MAZ: variants seen among roughly 807,000 people sequenced by gnomAD.
The protein encoded by MAZ is myc-associated zinc finger protein.
In MAZ, 4 loss-of-function variants were observed where a neutral mutation model predicts 32.7. That is an observed-to-expected ratio of 0.12 (90% CI 0.06 to 0.28). The LOEUF (loss-of-function observed/expected upper bound fraction) is 0.28. Among genes scored for constraint, MAZ ranks in the 10% least tolerant of loss-of-function variants. The pLI, the probability that MAZ is intolerant of heterozygous loss-of-function variation, is 1.00. For missense variants in MAZ, 763 were observed against 667.2 expected, an observed-to-expected ratio of 1.14 and a Z score of -1.58; for synonymous variants, 510 against 297.6, an observed-to-expected ratio of 1.71 and a Z score of -7.35.
chr16:29,808,214 C>T lies in MAZ; in HGVS notation c.1044-16C>T, dbSNP rs761586083. The T allele has an allele frequency of 1.2e-6, 2 of 1,612,956 alleles. No homozygotes were observed. Among genetic ancestry groups the T allele is most frequent in the Admixed American group, 1.7e-5 (1 of 60,000 alleles). ...GCACCACCTCCGCCCTAACCCCAAC[C>T]CCAACGTGTCCCCAGGCCGGATCAC... On this transcript the variant is annotated splice_polypyrimidine_tract_variant and intron_variant, in intron 2 of 4. Transcript: ENST00000322945.
In MAZ at chr16:29,809,259, G is replaced by A. The variant is rs996842189; in HGVS notation, c.1279+518G>A. 56 of 544,816 alleles carry A rather than the reference G, an allele frequency of 1.0e-4. 1 individual carries two copies. The highest frequency in any genetic ancestry group is 1.3e-4 in the Non-Finnish European group (41 of 309,148). 33.7% of individuals were successfully genotyped at this position (544,816 alleles called of 1,614,324 possible). ...GAGGGTCAACCCTGCAAGTGGCTAG[G>A]AGTCAGTGTCTCGTCATCCTGGGAG... is the stretch of plus-strand genomic sequence containing the variant. On this transcript the variant is annotated intron_variant, in intron 4 of 4. Coordinates refer to ENST00000322945, the MANE Select transcript of MAZ (RefSeq NM_002383.4).
In MAZ at chr16:29,808,812, T is replaced by C. The variant is rs1216071398; in HGVS notation, c.1279+71T>C. ...GCCTGGCCAGACGCCTTGCCACGGATACGGGTTAAGGGTGCTGTAGCCAAG... is the reference window on the plus strand; with the variant it reads ...GCCTGGCCAGACGCCTTGCCACGGACACGGGTTAAGGGTGCTGTAGCCAAG... On this transcript the variant is annotated intron_variant, in intron 4 of 4. Transcript: ENST00000322945. 17 of 1,518,720 alleles carry C rather than the reference T, an allele frequency of 1.1e-5. No homozygotes were observed. The East Asian group carries it at 3.9e-4, about 35-fold the overall frequency. The allele number at this position is 1,518,720 out of a possible 1,614,324, so 94.1% of individuals were successfully genotyped here.
chr16:29,808,399 T>C, intron 3 of MAZ, 106 bp downstream of exon 3: 1 of 1,220,056 alleles, frequency 8.2e-7, no homozygotes, highest in South Asian at 1.2e-5. Flanking sequence ...TCTTTTTGCC[T>C]TTTTGCTCCA....
chr16:29,807,175 TCCGGCGCCC>T lies in MAZ; in HGVS notation c.393_401del (p.Ala132_Pro134del). The T allele has an allele frequency of 9.1e-7, 1 of 1,103,486 alleles. No individual in the cohort carries two copies. The highest frequency in any genetic ancestry group is 1.1e-6 in the Non-Finnish European group (1 of 883,402). 68.4% of individuals were successfully genotyped at this position (1,103,486 alleles called of 1,614,324 possible). A position where few individuals can be genotyped will look rare whatever the true frequency, so the allele number is the denominator to read the frequency against. On this transcript the variant is annotated inframe_deletion, in exon 2 of 5. Transcript: ENST00000322945. ...TGGACACAGCGGCCCTGAAGCAGCC[TCCGGCGCCC>T]CCTCCGCCACCCCCGCCAGTGTCGG...
At chr16:29,809,029 G>C (rs1899740691) in intron 4 of MAZ, 1 of 546,238 alleles carries the variant, frequency 1.8e-6, no homozygotes, top group African/African-American at 1.9e-5. Flanking sequence ...AAGAAAGCCA[G>C]TTCCAGGGGT....
intron 4 of MAZ, chr16:29,809,830 C>G (rs190003392): frequency 1.0e-6 from 1 of 984,376 alleles, no homozygotes; most frequent in East Asian, 2.7e-5. Context: ...CTCAAAGGGC[C>G]CAATAGGGGA....
intron 3 of MAZ, 28 bp downstream of exon 3, chr16:29,808,321 G>A (rs754951980): frequency 2.5e-6 from 4 of 1,606,462 alleles, no homozygotes; most frequent in South Asian, 1.1e-5. Flanking sequence ...TCCTGTCTTG[G>A]TTTTCATGAT....
Position 29,810,911 on chromosome 16 carries a change from TTAGGGGCCAGGGTGAGC to T in MAZ, c.*681_*697del, listed in dbSNP as rs1258291468. ...CCAGAGGCAGAGAAGAGATGGAGTCTTAGGGGCCAGGGTGAGCGAGGGGTCCAGGGCCTAGAGGTGCT... is the reference window on the plus strand; with the variant it reads ...CCAGAGGCAGAGAAGAGATGGAGTCTGAGGGGTCCAGGGCCTAGAGGTGCT... On this transcript the variant is annotated 3_prime_UTR_variant, in exon 5 of 5. Coordinates refer to ENST00000322945, the MANE Select transcript of MAZ (RefSeq NM_002383.4). The T allele has an allele frequency of 2.9e-6, 1 of 344,306 alleles. No homozygotes were observed. The highest frequency in any genetic ancestry group is 2.2e-5 in the African/African-American group (1 of 45,858). 21.3% of individuals were successfully genotyped at this position (344,306 alleles called of 1,614,324 possible).
Position 29,806,890 on chromosome 16 carries a change from C to G in MAZ, c.189C>G (p.Phe63Leu). 7.2e-7 allele frequency: 1 copy of G among 1,394,102 alleles called. No homozygotes were observed. The highest frequency in any genetic ancestry group is 1.4e-5 in the South Asian group (1 of 71,316). 86.4% of individuals were successfully genotyped at this position (1,394,102 alleles called of 1,614,324 possible). The part of the protein sequence containing the change: ...FASQGCAQSP[F>L]QAAPAPPPTP... Reference sequence around the variant, plus strand: ...CCCAGGGCTGCGCCCAGAGTCCATTCCAGGTGAGTAGGGCCGGCCGCGGCG... The same window carrying G: ...CCCAGGGCTGCGCCCAGAGTCCATTGCAGGTGAGTAGGGCCGGCCGCGGCG... The change falls in exon 1 of 5, where the codon TTC becomes TTG. Residue 63 changes from phenylalanine (F) to leucine (L), a missense_variant. By Grantham distance (22) the Phe-to-Leu change is conservative. Transcript: ENST00000322945.
intron 4 of MAZ, chr16:29,809,655 C>T (rs745322545): frequency 3.1e-6 from 5 of 1,588,364 alleles, no homozygotes; most frequent in Admixed American, 1.7e-5. Context: ...AGACCCCTGC[C>T]CAGCTGGCCG....
intron 4 of MAZ, chr16:29,809,867 T>C (rs1899814101): frequency 2.0e-6 from 2 of 1,002,384 alleles, no homozygotes; most frequent in Non-Finnish European, 2.9e-6. Flanking sequence ...GATGCCCATG[T>C]ACCACTCAGG....
chr16:29,807,854 C>A, intron 2 of MAZ, 26 bp downstream of exon 2: 1 of 1,593,542 alleles, frequency 6.3e-7, no homozygotes, highest in East Asian at 2.2e-5. Flanking sequence ...CGGCCGCCCG[C>A]TAGGCCGTGG....
chr16:29,806,133 C>A, upstream of MAZ: 1 of 1,276,434 alleles, frequency 7.8e-7, no homozygotes, highest in Non-Finnish European at 1.0e-6. Context: ...CACCTCCCTC[C>A]CTCCCTCCGC....
chr16:29,808,207 C>T (rs779996063), intron 2 of MAZ, 23 bp from the exon 3 acceptor site: 24 of 1,610,880 alleles, frequency 1.5e-5, no homozygotes, highest in Non-Finnish European at 2.0e-5. Context: ...TCCGCCCTAA[C>T]CCCAACCCCA....
intron 4 of MAZ, chr16:29,809,289 C>G (rs1218858335): frequency 1.8e-5 from 10 of 553,282 alleles, no homozygotes; most frequent in Middle Eastern, 4.7e-4. Flanking sequence ...TGGGAGAGGT[C>G]TCCCGGCCAT....
At chr16:29,806,222 CCCCTCCTGCCCGCCCT>C, upstream of MAZ, 1 of 324,458 alleles carries the variant, frequency 3.1e-6, no homozygotes, top group Non-Finnish European at 5.1e-6. Context: ...CTGCCCACAC[CCCCTCCTGCCCGCCCT>C]CCCTCCCGTC....
chr16:29,808,336 A>T, intron 3 of MAZ, 43 bp downstream of exon 3: 1 of 1,574,472 alleles, frequency 6.4e-7, no homozygotes, highest in South Asian at 1.1e-5. Context: ...CATGATTTTG[A>T]TCCTCATGGT....
At chr16:29,808,853 G>A (rs1899724035) in intron 4 of MAZ, 112 bp downstream of exon 4, 1 of 1,082,206 alleles carries the variant, frequency 9.2e-7, no homozygotes, top group Non-Finnish European at 1.3e-6. Flanking sequence ...GTGGCGTCTA[G>A]ATTCCTACAA....
Position 29,810,151 on chromosome 16 carries a change from C to G in MAZ, c.1354C>G (p.Pro452Ala), listed in dbSNP as rs1370712370. ...AAAAAAAVAA[P>A]PTAVGSLSGA... ...GGCAGCAGCGGCAGCAGTAGCAGCC[C>G]CTCCCACAGCTGTGGGCTCCCTCTC... Residue 452 changes from proline (P) to alanine (A), a missense_variant, in exon 5 of 5, where the codon CCT becomes GCT. By Grantham distance (27) the Pro-to-Ala change is conservative. Transcript: ENST00000322945. The G allele has an allele frequency of 1.9e-6, 3 of 1,609,558 alleles. No individual in the cohort carries two copies. In the South Asian group the frequency reaches 3.3e-5, roughly 18 times the overall value.
Sources: gnomAD v4.1 joint callset for allele counts on GRCh38, gnomAD v4.1.1 for gene constraint, MANE v1.5 for transcripts, NCBI Gene and HGNC (gene_info 2026-07-23, HGNC 2026-07-21) for gene names.